The following CACNA1B variants were observed in gnomAD, a reference collection of about 807,000 sequenced individuals.
The protein encoded by CACNA1B is voltage-dependent N-type calcium channel subunit alpha-1B.
CACNA1B carries 70 observed loss-of-function variants against 247.2 expected under a neutral mutation model. The ratio of observed to expected loss-of-function variants is 0.28; its 90% CI spans 0.23 to 0.35. The LOEUF (loss-of-function observed/expected upper bound fraction) is 0.35. Among genes scored for constraint, CACNA1B ranks in the 10% least tolerant of loss-of-function variants. The probability of loss-of-function intolerance (pLI) is 1.00; values close to 1 mark genes in which losing one functional copy is unlikely to be tolerated. For synonymous variants in CACNA1B, 1,231 were observed against 1,294.4 expected (o/e 0.95, Z 1.05); for missense variants, 2,367 against 3,197.4 (o/e 0.74, Z 6.26).
rs1958740541 is a variant in CACNA1B at position 138,012,735 on chromosome 9, AC to A, written c.2161-393del. 6.6e-6 allele frequency among the ~76,000 whole-genome samples: 1 copy of A among 151,776 alleles called. No individual in the cohort carries two copies. The highest frequency in any genetic ancestry group is 2.4e-5 in the African/African-American group (1 of 41,356). On this transcript the variant is annotated intron_variant, in intron 17 of 46. Transcript: ENST00000371372. This position sits in a 1 kb window ranked among gnomAD's most constrained non-coding sequence, Gnocchi z 4.2. Reference sequence around the variant, plus strand: ...TCTCTAAAAAAAAAAAAAACAAATAACAAAAAACAAAACAAACAAATGGAAA... The same window carrying A: ...TCTCTAAAAAAAAAAAAAACAAATAAAAAAAACAAAACAAACAAATGGAAA...
intron 36 of CACNA1B, among the ~76,000 whole-genome samples, chr9:138,079,282 GC>G (rs1472847720): frequency 2.4e-4 from 37 of 152,234 alleles, no homozygotes; most frequent in Non-Finnish European, 2.9e-5. Context: ...TCAGAAGAAG[GC>G]TGAAGACTCT....
chr9:138,023,527 C>G lies in CACNA1B; in HGVS notation c.2784C>G (p.Ala928=), dbSNP rs1449545356. The G allele has an allele frequency of 1.2e-5, 13 of 1,075,644 alleles. No individual in the cohort carries two copies. The highest frequency in any genetic ancestry group is 1.7e-5 in the African/African-American group (1 of 58,390). The allele number at this position is 1,075,644 out of a possible 1,614,324, so 66.6% of individuals were successfully genotyped here. Reference sequence around the variant, plus strand: ...GGCGCGGCTCCCCGGAGGAGGCGGCCGAGCGGGAGCCCCGACGCCACCGCG... The same window carrying G: ...GGCGCGGCTCCCCGGAGGAGGCGGCGGAGCGGGAGCCCCGACGCCACCGCG... ...HHRRGSPEEA[A]EREPRRHRAH... is the part of the protein sequence containing the mutation. Residue 928 remains alanine, a synonymous_variant, in exon 19 of 47, where the codon GCC becomes GCG. Transcript: ENST00000371372.
chr9:137,960,419 GGTCAGCCTGAGAGACGGAGGGGGAGGGGA>G (rs1958004563), intron 10 of CACNA1B, among the ~76,000 whole-genome samples: 9 of 11,346 alleles, frequency 7.9e-4, no homozygotes, highest in South Asian at 3.3e-3. Flanking sequence ...GGGGAGGGGA[GGTCAGCCTGAGAGACGGAGGGGGAGGGGA>G]GGTCGGCCTG....
chr9:137,882,656 T>TGGTGG lies in CACNA1B; in HGVS notation c.391-79_391-75dup. 1 of 1,485,712 alleles carries TGGTGG rather than the reference T, an allele frequency of 6.7e-7. No homozygotes were observed. Among genetic ancestry groups the TGGTGG allele is most frequent in the Non-Finnish European group, 9.3e-7 (1 of 1,073,118 alleles). The allele number at this position is 1,485,712 out of a possible 1,614,324, so 92.0% of individuals were successfully genotyped here. A position where few individuals can be genotyped will look rare whatever the true frequency, so the allele number is the denominator to read the frequency against. On this transcript the variant is annotated intron_variant, in intron 2 of 46. Coordinates refer to ENST00000371372, the MANE Select transcript of CACNA1B (RefSeq NM_000718.4). The surrounding 1 kb of genome is among the most constrained non-coding windows in gnomAD (Gnocchi z 4.0). ...CCTCACGATAGCTGTGGCCTGCACA[T>TGGTGG]GGTGGGGTGGGGTCCTCACCAACCG...
Position 138,122,030 on chromosome 9 carries a change from C to G in CACNA1B, c.*31C>G, listed in dbSNP as rs2131376208. The G allele has an allele frequency of 3.9e-6, 6 of 1,557,126 alleles. No individual in the cohort carries two copies. Among genetic ancestry groups the G allele is most frequent in the Non-Finnish European group, 5.2e-6 (6 of 1,152,740 alleles). On this transcript the variant is annotated 3_prime_UTR_variant, in exon 47 of 47. Coordinates refer to ENST00000371372, the MANE Select transcript of CACNA1B (RefSeq NM_000718.4). ...CCGTGACCGCTCAGACGCCTGCATG[C>G]AGCAGGCGTGTGTTCCAGTGGATGA... is the stretch of plus-strand genomic sequence containing the variant.
At position 138,023,540 on chromosome 9, in the gene CACNA1B, C is replaced by T; in HGVS notation, c.2797C>T (p.Arg933Ter). 9.2e-7 allele frequency: 1 copy of T among 1,082,474 alleles called. No homozygotes were observed. Among genetic ancestry groups the T allele is most frequent in the Non-Finnish European group, 1.1e-6 (1 of 890,114 alleles). The allele number at this position is 1,082,474 out of a possible 1,614,324, so 67.1% of individuals were successfully genotyped here. A position where few individuals can be genotyped will look rare whatever the true frequency, so the allele number is the denominator to read the frequency against. ...GGAGGAGGCGGCCGAGCGGGAGCCC[C>T]GACGCCACCGCGCGCACCGGCACCA... ...SPEEAAEREP[R>*]RHRAHRHQDP... Residue 933 changes from arginine to a stop codon, truncating the protein, a stop_gained, in exon 19 of 47, where the codon CGA becomes TGA. Transcript: ENST00000371372. LOFTEE classifies it high-confidence loss of function.
chr9:138,121,435 T>TTTAA lies in CACNA1B; in HGVS notation c.6490-34_6490-33insTTAA. ...GGTTCGGCTTTTTTTTTTTTTTTTT[T>TTTAA]ACCTCTGATTTGTTCTGGTCCATTT... On this transcript the variant is annotated intron_variant, in intron 46 of 46. Transcript: ENST00000371372. This position sits in a 1 kb window ranked among gnomAD's most constrained non-coding sequence, Gnocchi z 6.8. 1.6e-6 allele frequency: 2 copies of TTTAA among 1,249,664 alleles called. No homozygotes were observed. Among genetic ancestry groups the TTTAA allele is most frequent in the Non-Finnish European group, 2.1e-6 (2 of 932,184 alleles). The allele number at this position is 1,249,664 out of a possible 1,614,324, so 77.4% of individuals were successfully genotyped here.
chr9:137,949,548 G>T (rs962011572), intron 6 of CACNA1B, among the ~76,000 whole-genome samples: 2 of 151,884 alleles, frequency 1.3e-5, no homozygotes, highest in African/African-American at 4.8e-5. Context: ...TGTGTGTGTG[G>T]AGAGGGAGAT....
chr9:138,102,779 A>G lies in CACNA1B; in HGVS notation c.5291A>G (p.Lys1764Arg). 1 of 1,612,256 alleles carries G rather than the reference A, an allele frequency of 6.2e-7. No homozygotes were observed. The highest frequency in any genetic ancestry group is 8.5e-7 in the Non-Finnish European group (1 of 1,178,580). The change falls in exon 38 of 47, where the codon AAG becomes AGG. Residue 1764 changes from lysine to arginine, a missense_variant. By Grantham distance (26) the Lys-to-Arg change is conservative. Transcript: ENST00000371372. This position sits in a 1 kb window ranked among gnomAD's most constrained non-coding sequence, Gnocchi z 5.4. ...ATGTCCCCGCCTCTGGGGCTGGGGAAGAAATGCCCTGCTCGAGTTGCTTAC... is the reference window on the plus strand; with the variant it reads ...ATGTCCCCGCCTCTGGGGCTGGGGAGGAAATGCCCTGCTCGAGTTGCTTAC... ...KHMSPPLGLG[K>R]KCPARVAYKR...
At chr9:138,117,855 G>A in intron 42 of CACNA1B, 91 bp from the exon 43 acceptor site, 1 of 1,015,946 alleles carries the variant, frequency 9.8e-7, no homozygotes, top group Non-Finnish European at 1.4e-6. Context: ...TGCATGTGTT[G>A]GAGACGCCTG....
intron 39 of CACNA1B, among the ~76,000 whole-genome samples, chr9:138,110,806 A>G (rs973378675): frequency 6.6e-6 from 1 of 152,208 alleles, no homozygotes; most frequent in African/African-American, 2.4e-5. Context: ...CGTATCTGCT[A>G]TAGGATTAGT....
intron 12 of CACNA1B, among the ~76,000 whole-genome samples, chr9:137,983,202 A>G (rs762753836): frequency 1.4e-4 from 21 of 152,258 alleles, no homozygotes; most frequent in Admixed American, 6.5e-5. Context: ...GAGGCTCAAC[A>G]TTTGAATTCT....
At chr9:137,985,150 C>T (rs960712688) in intron 13 of CACNA1B, among the ~76,000 whole-genome samples, 6 of 152,220 alleles carry the variant, frequency 3.9e-5, no homozygotes. Flanking sequence ...CCAAGATGAC[C>T]TCTCAGAAGC....
chr9:137,943,785 C>T (rs557422520), intron 6 of CACNA1B, among the ~76,000 whole-genome samples: 3 of 152,204 alleles, frequency 2.0e-5, no homozygotes, highest in South Asian at 2.1e-4. Flanking sequence ...CTTGCAAGAC[C>T]GCATTCTTTG....
chr9:137,992,321 C>T (rs918044743), intron 15 of CACNA1B, among the ~76,000 whole-genome samples: 1 of 152,068 alleles, frequency 6.6e-6, no homozygotes, highest in African/African-American at 2.4e-5. Context: ...TTTAGAGCAA[C>T]AGCACTTAAA....
At chr9:138,103,880 G>A (rs1459659057) in intron 38 of CACNA1B, among the ~76,000 whole-genome samples, 1 of 152,260 alleles carries the variant, frequency 6.6e-6, no homozygotes, top group Non-Finnish European at 1.5e-5. Context: ...CCGACTCAGT[G>A]CAGCCTGTGG....
chr9:138,013,467 G>C lies in CACNA1B; in HGVS notation c.2267+232G>C, dbSNP rs370981960. On this transcript the variant is annotated intron_variant, in intron 18 of 46. Transcript: ENST00000371372. ...CAGGCACAGCCCTCACATTGTGGCTGGGATTGTCTCTGCTGTGATATTCAC... is the reference window on the plus strand; with the variant it reads ...CAGGCACAGCCCTCACATTGTGGCTCGGATTGTCTCTGCTGTGATATTCAC... Among the ~76,000 whole-genome samples the C allele has an allele frequency of 2.6e-5, 4 of 152,222 alleles. No homozygotes were observed. In the South Asian group the frequency reaches 8.3e-4, roughly 32 times the overall value.
intron 15 of CACNA1B, among the ~76,000 whole-genome samples, chr9:138,003,042 C>T (rs1958599434): frequency 6.6e-6 from 1 of 151,286 alleles, no homozygotes; most frequent in African/African-American, 2.4e-5. Flanking sequence ...TGTGATCCGT[C>T]CACCTTGGCC....
In CACNA1B at chr9:138,045,317, C is replaced by T. The variant is rs951463983; in HGVS notation, c.3413+1417C>T. Among the ~76,000 whole-genome samples, 48 of 152,070 alleles carry T rather than the reference C, an allele frequency of 3.2e-4. 1 individual carries two copies. The highest frequency in any genetic ancestry group is 5.9e-4 in the Admixed American group (9 of 15,266). On this transcript the variant is annotated intron_variant, in intron 21 of 46. Coordinates refer to ENST00000371372, the MANE Select transcript of CACNA1B (RefSeq NM_000718.4). ...ACAGTGGGGGTACTCGGATTGCAGC[C>T]CAGCAGGGCCCTTTTATGGGGAGAC...
Sources: gnomAD v4.1 joint callset for allele counts (sites outside exome capture counted in the v4.1 genomes callset) on GRCh38, gnomAD v4.1.1 for gene constraint, Gnocchi (gnomAD v3.1) non-coding constraint, MANE v1.5 for transcripts, NCBI Gene and HGNC (gene_info 2026-07-23, HGNC 2026-07-21) for gene names.